Variants in MYRFL observed in about 807,000 individuals in gnomAD.
The protein encoded by MYRFL is myelin regulatory factor like, also known as myelin regulatory factor-like protein.
A neutral mutation model predicts 109.4 loss-of-function variants in MYRFL; 88 were observed. The ratio of observed to expected loss-of-function variants is 0.80; its 90% CI spans 0.68 to 0.96. The LOEUF is 0.96. MYRFL is among the 40% of genes least tolerant of loss of function. The probability of loss-of-function intolerance (pLI) is 0.00; values close to 1 mark genes in which losing one functional copy is unlikely to be tolerated. For missense variants in MYRFL, 957 were observed against 954.9 expected, an observed-to-expected ratio of 1.00 and a Z score of -0.03; for synonymous variants, 324 against 320.9, an observed-to-expected ratio of 1.01 and a Z score of -0.10.
At chr12:69,859,124 A>G (rs1479905467) in intron 2 of MYRFL, among the ~76,000 whole-genome samples, 2 of 152,024 alleles carry the variant, frequency 1.3e-5, no homozygotes, top group Admixed American at 1.3e-4. Context: ...GTTGCTGGAA[A>G]TGTATTATGT....
chr12:69,912,252 A>G (rs147052755), intron 13 of MYRFL, among the ~76,000 whole-genome samples: 116 of 152,352 alleles, frequency 7.6e-4, no homozygotes, highest in Non-Finnish European at 1.4e-3. Context: ...CTTGAGAGGT[A>G]TATCATGAAA....
At chr12:69,862,408 A>G (rs1172838582) in intron 2 of MYRFL, among the ~76,000 whole-genome samples, 1 of 151,802 alleles carries the variant, frequency 6.6e-6, no homozygotes, top group Non-Finnish European at 1.5e-5. Context: ...ATTTGTTTGT[A>G]ACCTCTTTTA....
At chr12:69,930,308 A>G (rs766703151) in intron 15 of MYRFL, among the ~76,000 whole-genome samples, 19 of 152,104 alleles carry the variant, frequency 1.2e-4, no homozygotes, top group Non-Finnish European at 2.2e-4. Flanking sequence ...ACAGCTCCCA[A>G]TGCTGGCCAA....
At chr12:69,951,855 G>C (rs1314609634) in intron 19 of MYRFL, among the ~76,000 whole-genome samples, 2 of 152,206 alleles carry the variant, frequency 1.3e-5, no homozygotes, top group South Asian at 2.1e-4. Context: ...GGTACTGGGG[G>C]ATAAGGCTTC....
At chr12:69,872,495 A>G (rs1034851897) in intron 2 of MYRFL, among the ~76,000 whole-genome samples, 2 of 151,766 alleles carry the variant, frequency 1.3e-5, no homozygotes, top group Non-Finnish European at 2.9e-5. Context: ...GGCTAATCTT[A>G]AATAAAAAAA....
Position 69,951,467 on chromosome 12 carries a change from G to T in MYRFL, c.2225-646G>T, listed in dbSNP as rs185460386. The stretch of plus-strand genomic sequence containing the variant: ...TTTGAGATGGAGTTTCACTCTTGTT[G>T]TCCAGGCTGGAGTGCAATGGCGCAA... On this transcript the variant is annotated intron_variant, in intron 19 of 24. Transcript: ENST00000552032. Among the ~76,000 whole-genome samples the T allele has an allele frequency of 1.6e-3, 174 of 105,754 alleles. 1 individual carries two copies. Among genetic ancestry groups the T allele is most frequent in the Non-Finnish European group, 2.2e-3 (124 of 56,888 alleles). The allele number at this position is 105,754 out of a possible 152,430, so 69.4% of individuals were successfully genotyped here. A position where few individuals can be genotyped will look rare whatever the true frequency, so the allele number is the denominator to read the frequency against.
chr12:69,889,581 G>A (rs767330744), intron 6 of MYRFL, among the ~76,000 whole-genome samples: 20 of 152,264 alleles, frequency 1.3e-4, no homozygotes, highest in South Asian at 2.1e-4. Context: ...TCGGCTGGGC[G>A]CAGTGGCTCA....
intron 13 of MYRFL, among the ~76,000 whole-genome samples, chr12:69,920,887 T>G (rs1246025245): frequency 3.3e-5 from 5 of 152,238 alleles, no homozygotes; most frequent in African/African-American, 1.2e-4. Context: ...AACATGCTCA[T>G]TCTGTCCATA....
intron 1 of MYRFL, among the ~76,000 whole-genome samples, chr12:69,849,267 T>C (rs966857191): frequency 3.3e-5 from 5 of 152,248 alleles, no homozygotes; most frequent in African/African-American, 1.2e-4. Flanking sequence ...TCATTGGAAT[T>C]GATGTTGAAT....
intron 2 of MYRFL, among the ~76,000 whole-genome samples, chr12:69,877,026 T>TCTTTC (rs1555245927): frequency 1.4e-3 from 134 of 97,342 alleles, no homozygotes; most frequent in African/African-American, 4.7e-3. Flanking sequence ...TTTCTTTCTT[T>TCTTTC]TTTTTTTTTT....
chr12:69,945,114 A>G (rs925343455), intron 19 of MYRFL, among the ~76,000 whole-genome samples: 2 of 152,176 alleles, frequency 1.3e-5, no homozygotes, highest in African/African-American at 4.8e-5. Flanking sequence ...ACAAGAGTCA[A>G]AAAGTTTTTT....
intron 19 of MYRFL, among the ~76,000 whole-genome samples, chr12:69,945,018 G>A (rs1238750023): frequency 6.6e-6 from 1 of 151,148 alleles, no homozygotes; most frequent in Admixed American, 6.6e-5. Context: ...TTTAAAATGT[G>A]AAAAAAAATT....
chr12:69,902,125 C>A (rs1202233641), intron 10 of MYRFL, among the ~76,000 whole-genome samples: 2 of 152,018 alleles, frequency 1.3e-5, no homozygotes, highest in Non-Finnish European at 2.9e-5. Context: ...AACTCCTGAC[C>A]TCAGGTGATC....
At chr12:69,898,044 G>A (rs1483030487) in intron 10 of MYRFL, among the ~76,000 whole-genome samples, 1 of 152,218 alleles carries the variant, frequency 6.6e-6, no homozygotes, top group African/African-American at 2.4e-5. Context: ...GCCCTGGGAG[G>A]GGCTGTGTTG....
chr12:69,850,231 T>G (rs928765694), intron 1 of MYRFL, among the ~76,000 whole-genome samples: 5 of 152,198 alleles, frequency 3.3e-5, no homozygotes, highest in Non-Finnish European at 7.3e-5. Flanking sequence ...CTTCGTTTTG[T>G]AAATTGCCCA....
chr12:69,828,538 G>A (rs1189060893), intron 1 of MYRFL, among the ~76,000 whole-genome samples: 1 of 152,016 alleles, frequency 6.6e-6, no homozygotes, highest in East Asian at 1.9e-4. Flanking sequence ...TTTAACGTTT[G>A]CAAAGTTTAA....
intron 11 of MYRFL, 92 bp downstream of exon 11, chr12:69,903,936 A>T (rs1954276126): frequency 8.7e-7 from 1 of 1,152,160 alleles, no homozygotes; most frequent in Admixed American, 2.8e-5. Flanking sequence ...TGAACCGCAC[A>T]TCTTTACATG....
At chr12:69,841,570 A>G (rs1045346230) in intron 1 of MYRFL, among the ~76,000 whole-genome samples, 1 of 152,210 alleles carries the variant, frequency 6.6e-6, no homozygotes, top group African/African-American at 2.4e-5. Context: ...TGGCTCCAGC[A>G]CATTGCTGCA....
chr12:69,922,483 G>A (rs977177469), intron 13 of MYRFL, among the ~76,000 whole-genome samples: 1 of 151,996 alleles, frequency 6.6e-6, no homozygotes, highest in Admixed American at 6.6e-5. Context: ...AAAAACTAGA[G>A]AGAATAGTAA....
Sources: gnomAD v4.1 joint callset for allele counts (sites outside exome capture counted in the v4.1 genomes callset) on GRCh38, gnomAD v4.1.1 for gene constraint, MANE v1.5 for transcripts, NCBI Gene and HGNC (gene_info 2026-07-23, HGNC 2026-07-21) for gene names.